The following ERBB4 variants were observed in gnomAD, a reference collection of about 807,000 sequenced individuals.
ERBB4 encodes receptor tyrosine-protein kinase erbB-4.
Under a neutral mutation model 158.0 loss-of-function variants are expected in ERBB4, and 42 were observed. The ratio of observed to expected loss-of-function variants is 0.27; its 90% confidence interval spans 0.21 to 0.34. ERBB4 has a LOEUF of 0.34. ERBB4 is among the 10% of genes least tolerant of loss of function. The pLI, the probability that ERBB4 is intolerant of heterozygous loss-of-function variation, is 1.00. For synonymous variants in ERBB4, 583 were observed against 558.7 expected, an observed-to-expected ratio of 1.04 and a Z score of -0.61; for missense variants, 1,333 against 1,624.1, an observed-to-expected ratio of 0.82 and a Z score of 3.08.
intron 1 of ERBB4, among the ~76,000 whole-genome samples, chr2:212,492,523 T>C (rs891693718): frequency 2.6e-5 from 4 of 151,546 alleles, no homozygotes; most frequent in African/African-American, 9.7e-5. Flanking sequence ...ACTAAGTACA[T>C]GTTGATTTAA....
At chr2:211,923,132 T>G (rs1245499183) in intron 3 of ERBB4, among the ~76,000 whole-genome samples, 1 of 152,124 alleles carries the variant, frequency 6.6e-6, no homozygotes, top group Non-Finnish European at 1.5e-5. Flanking sequence ...AACTTTTGCA[T>G]ATGAATGAAG....
chr2:212,480,902 T>G (rs1689662069), intron 1 of ERBB4, among the ~76,000 whole-genome samples: 1 of 152,222 alleles, frequency 6.6e-6, no homozygotes, highest in South Asian at 2.1e-4. Flanking sequence ...TGTAGACAAG[T>G]TTCCTGAATT....
chr2:212,269,635 T>G (rs1233836768), intron 1 of ERBB4, among the ~76,000 whole-genome samples: 1 of 151,860 alleles, frequency 6.6e-6, no homozygotes, highest in Non-Finnish European at 1.5e-5. Context: ...AAACATGGGA[T>G]GAAGAATTAC....
chr2:212,111,079 G>C (rs1235562653), intron 2 of ERBB4, among the ~76,000 whole-genome samples: 2 of 152,142 alleles, frequency 1.3e-5, no homozygotes, highest in Non-Finnish European at 2.9e-5. Flanking sequence ...CCTGCCATCA[G>C]GTATCTTTGG....
intron 2 of ERBB4, among the ~76,000 whole-genome samples, chr2:211,990,868 G>A (rs989594704): frequency 1.3e-5 from 2 of 151,866 alleles, no homozygotes; most frequent in Non-Finnish European, 2.9e-5. Context: ...GATTTCTTAT[G>A]TGACTGGAAC....
At chr2:212,452,532 A>T (rs1160248141) in intron 1 of ERBB4, among the ~76,000 whole-genome samples, 1 of 152,186 alleles carries the variant, frequency 6.6e-6, no homozygotes, top group Non-Finnish European at 1.5e-5. Context: ...TTTTATAGGA[A>T]TGCGTGGGAT....
chr2:212,044,012 G>T (rs2077199986), intron 2 of ERBB4, among the ~76,000 whole-genome samples: 1 of 151,660 alleles, frequency 6.6e-6, no homozygotes, highest in African/African-American at 2.4e-5. Flanking sequence ...CATAATCATC[G>T]AGTGCTATAG....
chr2:212,357,222 A>C (rs890017585), intron 1 of ERBB4, among the ~76,000 whole-genome samples: 6 of 151,874 alleles, frequency 4.0e-5, no homozygotes, highest in Non-Finnish European at 8.8e-5. Context: ...TAAAATAAAA[A>C]AAGGATTCAT....
chr2:211,597,093 T>C (rs2068656994), intron 19 of ERBB4, among the ~76,000 whole-genome samples: 5 of 152,284 alleles, frequency 3.3e-5, no homozygotes, highest in Admixed American at 3.3e-4. Flanking sequence ...CGAGCGAGTA[T>C]TTTTATTCAC....
intron 1 of ERBB4, among the ~76,000 whole-genome samples, chr2:212,409,820 G>C (rs1429374154): frequency 6.6e-6 from 1 of 152,064 alleles, no homozygotes; most frequent in Admixed American, 6.6e-5. Flanking sequence ...TTATGGTTCA[G>C]TTATAACAAA....
intron 20 of ERBB4, among the ~76,000 whole-genome samples, chr2:211,511,493 A>G (rs1574640643): frequency 6.6e-6 from 1 of 152,256 alleles, no homozygotes; most frequent in African/African-American, 2.4e-5. Context: ...AATTTAATGG[A>G]AAATTTCTGT....
intron 2 of ERBB4, among the ~76,000 whole-genome samples, chr2:212,074,542 T>G (rs1027862366): frequency 6.6e-6 from 1 of 151,992 alleles, no homozygotes; most frequent in Admixed American, 6.6e-5. Flanking sequence ...AAAAATATAA[T>G]ACTTCTACAG....
intron 20 of ERBB4, among the ~76,000 whole-genome samples, chr2:211,452,640 C>A (rs2064278558): frequency 6.6e-6 from 1 of 152,140 alleles, no homozygotes. Context: ...CAACCTCTAT[C>A]AAATTATCTA....
chr2:211,631,107 G>T (rs2070107870), intron 16 of ERBB4, among the ~76,000 whole-genome samples: 1 of 152,036 alleles, frequency 6.6e-6, no homozygotes, highest in African/African-American at 2.4e-5. Flanking sequence ...AGGATGTTTA[G>T]TAGCATTCCT....
intron 5 of ERBB4, among the ~76,000 whole-genome samples, chr2:211,747,200 T>A (rs762762867): frequency 6.6e-6 from 1 of 152,204 alleles, no homozygotes; most frequent in African/African-American, 2.4e-5. Flanking sequence ...CCACCCATAT[T>A]ACAAGATTTC....
intron 7 of ERBB4, among the ~76,000 whole-genome samples, chr2:211,716,646 G>A (rs55861254): frequency 0.11 from 16,451 of 151,654 alleles, 1,115 homozygotes; most frequent in East Asian, 0.24. Context: ...ACTGCATTCC[G>A]GCCTGGGCGA....
At chr2:211,927,949 CA>C (rs1368971783) in intron 3 of ERBB4, among the ~76,000 whole-genome samples, 14 of 152,134 alleles carry the variant, frequency 9.2e-5, no homozygotes, top group Admixed American at 5.2e-4. Flanking sequence ...ATAATACATA[CA>C]GGGGTACATC....
intron 16 of ERBB4, among the ~76,000 whole-genome samples, chr2:211,640,370 T>A (rs2070532573): frequency 6.6e-6 from 1 of 152,160 alleles, no homozygotes; most frequent in South Asian, 2.1e-4. Flanking sequence ...GAAAAGACTT[T>A]AAGAAGTGAA....
At chr2:211,444,545 A>G (rs114429208) in intron 20 of ERBB4, among the ~76,000 whole-genome samples, 1,855 of 152,170 alleles carry the variant, frequency 0.012, 34 homozygotes, top group African/African-American at 0.042. Context: ...TGTGTCCTAT[A>G]TTTGTGTATA....
Sources: allele counts gnomAD v4.1 joint callset (sites outside exome capture counted in the v4.1 genomes callset), GRCh38; gene constraint gnomAD v4.1.1; transcripts MANE v1.5; gene names NCBI Gene and HGNC (gene_info 2026-07-23, HGNC 2026-07-21).